SGCZ: variants seen among roughly 807,000 people sequenced by gnomAD.
SGCZ encodes the protein sarcoglycan zeta.
A neutral mutation model predicts 41.3 loss-of-function variants in SGCZ; 40 were observed. The ratio of observed to expected loss-of-function variants is 0.97; its 90% CI spans 0.75 to 1.26. SGCZ has a LOEUF of 1.26. Ranked by LOEUF, SGCZ falls within the 50% of genes most tolerant of loss-of-function variation. The pLI, the probability that SGCZ is intolerant of heterozygous loss-of-function variation, is 0.00. For missense variants in SGCZ, 552 were observed against 369.8 expected, an observed-to-expected ratio of 1.49 and a Z score of -4.04; for synonymous variants, 206 against 137.5, an observed-to-expected ratio of 1.50 and a Z score of -3.49.
At chr8:14,921,653 G>T (rs1319760351) in intron 1 of SGCZ, among the ~76,000 whole-genome samples, 1 of 152,076 alleles carries the variant, frequency 6.6e-6, no homozygotes, top group East Asian at 1.9e-4. Context: ...GAATTTGCTT[G>T]TAATGGAATT....
intron 2 of SGCZ, among the ~76,000 whole-genome samples, chr8:14,405,802 G>C (rs1442812798): frequency 1.3e-5 from 2 of 152,118 alleles, no homozygotes; most frequent in Admixed American, 6.6e-5. Flanking sequence ...TGGCAAATTA[G>C]TTGTTTATAA....
At chr8:14,905,437 C>CGA (rs759981804) in intron 1 of SGCZ, among the ~76,000 whole-genome samples, 1 of 151,732 alleles carries the variant, frequency 6.6e-6, no homozygotes, top group Non-Finnish European at 1.5e-5. Flanking sequence ...ATACTAAGTC[C>CGA]GAGAGAGAGA....
intron 2 of SGCZ, among the ~76,000 whole-genome samples, chr8:14,488,101 A>G (rs1801730165): frequency 1.1e-5 from 1 of 87,882 alleles, no homozygotes; most frequent in East Asian, 3.6e-4. Flanking sequence ...CCAGAAAAGT[A>G]AATTCCCTGA....
intron 1 of SGCZ, among the ~76,000 whole-genome samples, chr8:14,737,662 C>T (rs946186710): frequency 4.0e-5 from 6 of 150,938 alleles, no homozygotes; most frequent in Admixed American, 6.6e-5. Context: ...TGTTTGCAGA[C>T]GGCCATCCTC....
intron 5 of SGCZ, among the ~76,000 whole-genome samples, chr8:14,122,953 G>C (rs1042827416): frequency 1.3e-5 from 2 of 152,146 alleles, no homozygotes; most frequent in Non-Finnish European, 2.9e-5. Context: ...ATCTTAAATA[G>C]AAGTATGTTG....
chr8:14,124,542 T>G (rs926430229), intron 5 of SGCZ, among the ~76,000 whole-genome samples: 5 of 152,204 alleles, frequency 3.3e-5, no homozygotes, highest in Non-Finnish European at 7.3e-5. Context: ...CATTTAAAAT[T>G]GCAGATGAAG....
At chr8:14,130,918 G>C (rs1422057055) in intron 5 of SGCZ, among the ~76,000 whole-genome samples, 1 of 152,166 alleles carries the variant, frequency 6.6e-6, no homozygotes, top group Admixed American at 6.5e-5. Flanking sequence ...TTAGGGTGGA[G>C]TAGCCAACTT....
At chr8:14,774,178 T>C (rs559785934) in intron 1 of SGCZ, among the ~76,000 whole-genome samples, 1 of 152,278 alleles carries the variant, frequency 6.6e-6, no homozygotes, top group Non-Finnish European at 1.5e-5. Context: ...ATAGAGCAAA[T>C]GACTGAATTT....
At chr8:14,759,505 G>T (rs1205126029) in intron 1 of SGCZ, among the ~76,000 whole-genome samples, 1 of 152,122 alleles carries the variant, frequency 6.6e-6, no homozygotes, top group South Asian at 2.1e-4. Context: ...AATATCAAAA[G>T]ATCATTAAAA....
chr8:14,280,268 TATG>T (rs1392701728), intron 3 of SGCZ, among the ~76,000 whole-genome samples: 4 of 151,758 alleles, frequency 2.6e-5, no homozygotes, highest in Non-Finnish European at 5.9e-5. Context: ...AGGAGAAAAA[TATG>T]ATATTCACTA....
chr8:14,468,888 G>T (rs143378471), intron 2 of SGCZ, among the ~76,000 whole-genome samples: 1 of 152,122 alleles, frequency 6.6e-6, no homozygotes, highest in African/African-American at 2.4e-5. Flanking sequence ...GTAATAAATT[G>T]CATTATGCTT....
chr8:14,783,255 G>A (rs1312857767), intron 1 of SGCZ, among the ~76,000 whole-genome samples: 3 of 152,114 alleles, frequency 2.0e-5, no homozygotes, highest in South Asian at 2.1e-4. Flanking sequence ...TCAACATGGC[G>A]AAAGCCAGTA....
intron 1 of SGCZ, among the ~76,000 whole-genome samples, chr8:14,609,651 G>A (rs1805863522): frequency 6.6e-6 from 1 of 152,160 alleles, no homozygotes; most frequent in Non-Finnish European, 1.5e-5. Context: ...AAAAGCTGGA[G>A]GGGACCAAGG....
At chr8:15,188,338 G>T (rs80112206) in intron 1 of SGCZ, among the ~76,000 whole-genome samples, 2,999 of 152,206 alleles carry the variant, frequency 0.02, 101 homozygotes, top group African/African-American at 0.069. Context: ...TTGAGGAATT[G>T]TCCTGTATAG....
intron 1 of SGCZ, among the ~76,000 whole-genome samples, chr8:14,838,897 A>T (rs1031720448): frequency 6.6e-6 from 1 of 152,126 alleles, no homozygotes; most frequent in Non-Finnish European, 1.5e-5. Flanking sequence ...GGGTAACCAA[A>T]GTGGTTAGAA....
intron 2 of SGCZ, among the ~76,000 whole-genome samples, chr8:14,355,249 A>G (rs1803252260): frequency 2.0e-5 from 3 of 152,104 alleles, no homozygotes; most frequent in Non-Finnish European, 2.9e-5. Flanking sequence ...ATCTTCAATC[A>G]GCAGTAAAAC....
intron 3 of SGCZ, among the ~76,000 whole-genome samples, chr8:14,251,283 T>A (rs1799275893): frequency 6.6e-6 from 1 of 152,140 alleles, no homozygotes; most frequent in Non-Finnish European, 1.5e-5. Context: ...AAGGCACTGA[T>A]ATCTAACATC....
rs138192004 is a variant in SGCZ, at chr8:15,059,109, T to C, written c.39+178476A>G. ...ATTAAAATGTCTAAAGTTGTTACGATATGTTTCCTGTTTGACAGCATGATA... is the reference window on the plus strand; with the variant it reads ...ATTAAAATGTCTAAAGTTGTTACGACATGTTTCCTGTTTGACAGCATGATA... On this transcript the variant is annotated intron_variant, in intron 1 of 7. Transcript: ENST00000382080. Among the ~76,000 whole-genome samples the C allele has an allele frequency of 5.7e-4, 87 of 152,310 alleles. 2 individuals carry two copies. Among genetic ancestry groups the C allele is most frequent in the African/African-American group, 2.1e-3 (87 of 41,586 alleles).
intron 2 of SGCZ, among the ~76,000 whole-genome samples, chr8:14,362,938 T>C (rs1229380765): frequency 1.3e-5 from 2 of 152,222 alleles, no homozygotes; most frequent in Non-Finnish European, 2.9e-5. Context: ...AACTAATATA[T>C]AGTACAATGT....
Sources: allele counts gnomAD v4.1 joint callset (sites outside exome capture counted in the v4.1 genomes callset), GRCh38; gene constraint gnomAD v4.1.1; transcripts MANE v1.5; gene names NCBI Gene and HGNC (gene_info 2026-07-23, HGNC 2026-07-21).